MMEL1: variants seen among roughly 807,000 people sequenced by gnomAD.
MMEL1 encodes membrane metalloendopeptidase like 1.
In MMEL1, 98 loss-of-function variants were observed where a neutral mutation model predicts 117.1. The observed-to-expected ratio is 0.84, with a 90% confidence interval of 0.71 to 0.99. The LOEUF is 0.99. MMEL1 is among the 50% of genes least tolerant of loss of function. The probability of loss-of-function intolerance (pLI) is 0.00; values close to 1 mark genes in which losing one functional copy is unlikely to be tolerated. For synonymous variants in MMEL1, 390 were observed against 415.1 expected, an observed-to-expected ratio of 0.94 and a Z score of 0.74; for missense variants, 1,014 against 1,049.1, an observed-to-expected ratio of 0.97 and a Z score of 0.46.
intron 2 of MMEL1, among the ~76,000 whole-genome samples, chr1:2,624,525 A>C (rs1219054900): frequency 6.6e-6 from 1 of 152,254 alleles, no homozygotes; most frequent in Non-Finnish European, 1.5e-5. Context: ...GGTGCAATGT[A>C]TTATTATGTA....
intron 14 of MMEL1, 73 bp downstream of exon 14, chr1:2,596,488 G>A (rs1644841941): frequency 1.3e-6 from 2 of 1,563,064 alleles, no homozygotes; most frequent in Middle Eastern, 1.8e-4. Flanking sequence ...CGGGGTGGGA[G>A]TCTCAGGGCA....
At chr1:2,626,336 T>C (rs1442587730) in intron 2 of MMEL1, among the ~76,000 whole-genome samples, 1 of 152,170 alleles carries the variant, frequency 6.6e-6, no homozygotes, top group African/African-American at 2.4e-5. Flanking sequence ...TGATCTAAAC[T>C]GTACGATAAA....
Position 2,611,342 on chromosome 1 carries a change from T to G in MMEL1, c.233-2A>C. On this transcript the variant is annotated splice_acceptor_variant, in intron 3 of 23. Coordinates refer to ENST00000378412, the MANE Select transcript of MMEL1 (RefSeq NM_033467.4). LOFTEE classifies it high-confidence loss of function. ...TCACCTCTTGGGCCTCTGGGATCCC[T>G]GCGGGCAAGGAGCAGCCTGAGCACC... is the stretch of plus-strand genomic sequence containing the variant. 1 of 1,529,576 alleles carries G rather than the reference T, an allele frequency of 6.5e-7. No homozygotes were observed. The allele number at this position is 1,529,576 out of a possible 1,614,324, so 94.8% of individuals were successfully genotyped here.
At chr1:2,609,878 G>A (rs1306847492) in intron 4 of MMEL1, 47 bp from the exon 5 acceptor site, 3 of 1,564,676 alleles carry the variant, frequency 1.9e-6, no homozygotes, top group African/African-American at 2.7e-5. Flanking sequence ...GACAGAGAGA[G>A]TTGTGGACAG....
intron 2 of MMEL1, among the ~76,000 whole-genome samples, chr1:2,617,319 C>T (rs201047794): frequency 2.7e-5 from 4 of 149,600 alleles, no homozygotes; most frequent in South Asian, 2.1e-4. Flanking sequence ...CCCAGCTACT[C>T]GGGAGGCTGA....
intron 6 of MMEL1, among the ~76,000 whole-genome samples, chr1:2,608,641 A>T (rs1278645519): frequency 6.6e-6 from 1 of 152,062 alleles, no homozygotes; most frequent in African/African-American, 2.4e-5. Context: ...CACACAACAT[A>T]CACATATGCA....
At position 2,607,068 on chromosome 1, in the gene MMEL1, A is replaced by G; in HGVS notation, c.537T>C (p.Ser179=). ...GCTGAGAGCCTCGCTTCTCTATCAC[A>G]CCTGAGAAGGGACGCAGTGGTCACT... is the stretch of plus-strand genomic sequence containing the variant. ...RTLYRSCMNQ[S]VIEKRGSQPL... Residue 179 remains serine, a splice_region_variant and synonymous_variant, in exon 7 of 24, where the codon AGT becomes AGC. Transcript: ENST00000378412. 6.2e-7 allele frequency: 1 copy of G among 1,611,036 alleles called. No individual in the cohort carries two copies. The highest frequency in any genetic ancestry group is 8.5e-7 in the Non-Finnish European group (1 of 1,178,510).
In MMEL1 at chr1:2,604,174, C is replaced by A. The variant is rs4648562; in HGVS notation, c.924G>T (p.Val308=). ...TGGCCAGCTGTGTCTCCAGCTCCAG[C>A]ACCTGCACCATGTCCTCCTGCACCA... The part of the protein sequence containing the change: ...SCLVQEDMVQ[V]LELETQLAKA... The change falls in exon 10 of 24, where the codon GTG becomes GTT. Residue 308 remains valine, a synonymous_variant. Coordinates refer to ENST00000378412, the MANE Select transcript of MMEL1 (RefSeq NM_033467.4). The A allele has an allele frequency of 0.36, 580,395 of 1,611,268 alleles. 109,327 individuals carry two copies. The highest frequency in any genetic ancestry group is 0.56 in the African/African-American group (42,240 of 74,850).
Position 2,629,353 on chromosome 1 carries a change from A to T in MMEL1, c.132T>A (p.Gly44=). The change falls in exon 2 of 24, where the codon GGT becomes GGA. Residue 44 remains glycine (G), a synonymous_variant. Coordinates refer to ENST00000378412, the MANE Select transcript of MMEL1 (RefSeq NM_033467.4). ...CACCTCTGCGGTCGGCGTAGAGGAC[A>T]CCCAAGGCCACCAGGGCAGCGGTCA... ...LLVTAALVAL[G]VLYADRRGKQ... is the part of the protein sequence containing the mutation. 3 of 1,542,292 alleles carry T rather than the reference A, an allele frequency of 1.9e-6. No homozygotes were observed. Among genetic ancestry groups the T allele is most frequent in the Non-Finnish European group, 2.6e-6 (3 of 1,145,762 alleles).
chr1:2,629,306 G>T (rs1169701683), intron 2 of MMEL1, 25 bp downstream of exon 2: 2 of 1,513,630 alleles, frequency 1.3e-6, no homozygotes, highest in Non-Finnish European at 1.8e-6. Context: ...ACGGGGACAG[G>T]CGGGGGCGGG....
At position 2,593,871 on chromosome 1, in the gene MMEL1, A is replaced by G. The variant is rs1644786476; in HGVS notation, c.1810T>C (p.Phe604Leu). The change falls in exon 19 of 24, where the codon TTT becomes CTT. Residue 604 changes from phenylalanine to leucine, a missense_variant. Coordinates refer to ENST00000378412, the MANE Select transcript of MMEL1 (RefSeq NM_033467.4). Reference protein sequence around the residue: ...FSKEQPQALNFGGIGMVIGHE... With the variant: ...FSKEQPQALNLGGIGMVIGHE... ...CCGATCACCATCCCAATGCCTCCAA[A>G]GTTCAAGGCCTGTGGCTGCTCCTTG... 8.7e-6 allele frequency: 14 copies of G among 1,612,706 alleles called. No homozygotes were observed. Among genetic ancestry groups the G allele is most frequent in the Non-Finnish European group, 1.2e-5 (14 of 1,179,312 alleles).
intron 4 of MMEL1, 126 bp from the exon 5 acceptor site, chr1:2,609,957 C>G: frequency 1.9e-6 from 2 of 1,058,472 alleles, no homozygotes. Context: ...TCCATCCAGT[C>G]GCAGCTGTGT....
intron 6 of MMEL1, among the ~76,000 whole-genome samples, chr1:2,608,600 C>T (rs905017279): frequency 6.6e-5 from 10 of 151,950 alleles, no homozygotes; most frequent in Non-Finnish European, 2.9e-5. Context: ...ATACAGTACA[C>T]ACATATACAC....
chr1:2,592,667 C>T lies in MMEL1; in HGVS notation c.2055G>A (p.Arg685=). Residue 685 remains arginine (R), a synonymous_variant, in exon 21 of 24, where the codon CGG becomes CGA. Coordinates refer to ENST00000378412, the MANE Select transcript of MMEL1 (RefSeq NM_033467.4). ...TGCCAGGCCCCACCTTATAGGCTTG[C>T]CGCACCCCTCCGTTGTCAGCAATGT... ...GENIADNGGV[R]QAYKAYLKWM... The T allele has an allele frequency of 6.5e-7, 1 of 1,546,382 alleles. No individual in the cohort carries two copies. The highest frequency in any genetic ancestry group is 8.8e-7 in the Non-Finnish European group (1 of 1,141,604).
In MMEL1 at chr1:2,629,838, T is replaced by C. The variant is rs1158455296; in HGVS notation, c.-37-317A>G. 6 of 214,992 alleles carry C rather than the reference T, an allele frequency of 2.8e-5. 1 individual carries two copies. Among genetic ancestry groups the C allele is most frequent in the Non-Finnish European group, 5.5e-5 (6 of 109,208 alleles). The allele number at this position is 214,992 out of a possible 1,614,324, so 13.3% of individuals were successfully genotyped here. ...TAGTGGAGCCCCCCCCCTGGGCTGC[T>C]CATGCTGGTTGTCTTGGAGCTGTGG... is the stretch of plus-strand genomic sequence containing the variant. On this transcript the variant is annotated intron_variant, in intron 1 of 23. Coordinates refer to ENST00000378412, the MANE Select transcript of MMEL1 (RefSeq NM_033467.4).
intron 11 of MMEL1, among the ~76,000 whole-genome samples, chr1:2,601,706 C>G (rs1248071661): frequency 6.6e-6 from 1 of 152,208 alleles, no homozygotes; most frequent in Non-Finnish European, 1.5e-5. Context: ...CTCCAAGAAT[C>G]AATCAGAGAA....
chr1:2,631,652 A>G (rs943275763), intron 1 of MMEL1, among the ~76,000 whole-genome samples: 4 of 151,916 alleles, frequency 2.6e-5, no homozygotes, highest in African/African-American at 9.7e-5. Context: ...GGCTCTGTGA[A>G]CCGCAGCGTT....
At chr1:2,623,609 C>CAGTGTGGGCTGCTACATG (rs1222450971) in intron 2 of MMEL1, among the ~76,000 whole-genome samples, 4 of 152,226 alleles carry the variant, frequency 2.6e-5, no homozygotes, top group Admixed American at 6.5e-5. Context: ...CTTACAGGCC[C>CAGTGTGGGCTGCTACATG]AGTGTGGGCT....
chr1:2,596,965 G>C (rs960049428), intron 13 of MMEL1, among the ~76,000 whole-genome samples: 1 of 152,018 alleles, frequency 6.6e-6, no homozygotes, highest in Non-Finnish European at 1.5e-5. Flanking sequence ...CCCCTGTCCT[G>C]GTTGTCTGGC....
Sources: allele counts gnomAD v4.1 joint callset (sites outside exome capture counted in the v4.1 genomes callset), GRCh38; gene constraint gnomAD v4.1.1; transcripts MANE v1.5; gene names NCBI Gene and HGNC (gene_info 2026-07-23, HGNC 2026-07-21).